The following AGBL1 variants were observed in gnomAD, a reference collection of about 807,000 sequenced individuals.
AGBL1 encodes AGBL carboxypeptidase 1.
In AGBL1, 130 loss-of-function variants were observed where a neutral mutation model predicts 118.9. The observed-to-expected ratio is 1.09, with a 90% CI of 0.95 to 1.26. The LOEUF (loss-of-function observed/expected upper bound fraction) is 1.26, where lower values mean the gene tolerates loss of function less well. AGBL1 is among the 50% of genes most tolerant of loss of function. The pLI is 0.00. For synonymous variants in AGBL1, 555 were observed against 478.9 expected (o/e 1.16, Z -2.08); for missense variants, 1,584 against 1,298.1 (o/e 1.22, Z -3.38).
chr15:86,134,063 T>C (rs1441326280), intron 1 of AGBL1, among the ~76,000 whole-genome samples: 1 of 152,212 alleles, frequency 6.6e-6, no homozygotes, highest in Non-Finnish European at 1.5e-5. Context: ...ATGTTTTCCT[T>C]CAACTTATAC....
intron 23 of AGBL1, among the ~76,000 whole-genome samples, chr15:86,941,300 C>T (rs143346926): frequency 1.2e-4 from 19 of 152,278 alleles, no homozygotes; most frequent in African/African-American, 3.8e-4. Flanking sequence ...CCTGTCAGGA[C>T]GTTGTAATTT....
chr15:86,904,623 ATTTAT>A (rs1235103621), intron 22 of AGBL1, among the ~76,000 whole-genome samples: 3 of 148,336 alleles, frequency 2.0e-5, no homozygotes, highest in Non-Finnish European at 4.5e-5. Context: ...TATCTATTAT[ATTTAT>A]TTTGTTATGT....
chr15:86,916,493 G>A (rs987380583), downstream of AGBL1, among the ~76,000 whole-genome samples: 54 of 152,100 alleles, frequency 3.6e-4, no homozygotes, highest in Non-Finnish European at 6.5e-4. Flanking sequence ...AATAAAAATG[G>A]ATCAGGCACT....
At chr15:86,674,706 C>A (rs961739231) in intron 22 of AGBL1, among the ~76,000 whole-genome samples, 5 of 152,096 alleles carry the variant, frequency 3.3e-5, no homozygotes, top group African/African-American at 1.2e-4. Context: ...TGGTGACACA[C>A]ACACAGGATA....
intron 21 of AGBL1, among the ~76,000 whole-genome samples, chr15:86,644,907 G>C (rs1002914662): frequency 1.0e-4 from 15 of 150,750 alleles, no homozygotes; most frequent in Non-Finnish European, 1.6e-4. Context: ...TGTAGTCCCA[G>C]GTACTCGGGA....
intron 22 of AGBL1, among the ~76,000 whole-genome samples, chr15:86,800,223 A>C (rs2078630944): frequency 6.6e-6 from 1 of 152,120 alleles, no homozygotes; most frequent in South Asian, 2.1e-4. Context: ...TCATATTTAT[A>C]CATATTATTT....
chr15:86,864,092 A>C (rs1242429877), intron 22 of AGBL1, among the ~76,000 whole-genome samples: 2 of 152,192 alleles, frequency 1.3e-5, no homozygotes, highest in African/African-American at 2.4e-5. Flanking sequence ...ACAGCTTTGC[A>C]TAAAAACAGA....
At chr15:86,448,735 T>G (rs1291389369) in intron 18 of AGBL1, among the ~76,000 whole-genome samples, 1 of 152,062 alleles carries the variant, frequency 6.6e-6, no homozygotes, top group Non-Finnish European at 1.5e-5. Context: ...CACAAGAATA[T>G]TTAGTAATTG....
rs558894519 is a variant in AGBL1, at chr15:86,664,560, T to C, written c.2995-9713T>C. Among the ~76,000 whole-genome samples, 11 of 152,256 alleles carry C rather than the reference T, an allele frequency of 7.2e-5. 1 individual carries two copies. Among genetic ancestry groups the C allele is most frequent in the African/African-American group, 2.6e-4 (11 of 41,568 alleles). On this transcript the variant is annotated intron_variant, in intron 21 of 22. Coordinates refer to ENST00000614907, the MANE Select transcript of AGBL1 (RefSeq NM_001386094.1). ...GTTTGGAGGGACAATACTAAGGAAATGGATGTCTCATTGCTATTTCTTCAC... is the reference window on the plus strand; with the variant it reads ...GTTTGGAGGGACAATACTAAGGAAACGGATGTCTCATTGCTATTTCTTCAC...
rs148882354 is a variant in AGBL1, at chr15:86,933,481, C to T, written c.3222-54506C>T. Among the ~76,000 whole-genome samples, 1,089 of 152,284 alleles carry T rather than the reference C, an allele frequency of 7.2e-3. 19 individuals are homozygous for T. The highest frequency in any genetic ancestry group is 0.025 in the African/African-American group (1,054 of 41,556). On this transcript the variant is annotated intron_variant, in intron 23 of 24. Coordinates refer to the AGBL1 transcript ENST00000441037. ...AAGATTTGTGACTTCCCCAATTGCT[C>T]TCATAGATCTCATCTCTATTGTAGA... is the stretch of plus-strand genomic sequence containing the variant.
chr15:86,148,604 C>T (rs1246977179), intron 3 of AGBL1, among the ~76,000 whole-genome samples: 1 of 152,088 alleles, frequency 6.6e-6, no homozygotes, highest in Non-Finnish European at 1.5e-5. Context: ...ATGAACAAAG[C>T]CTCCAAGAAA....
rs146836147 is a variant in AGBL1, at chr15:86,232,477, G to C, written c.526+7526G>C. On this transcript the variant is annotated intron_variant, in intron 6 of 22. Transcript: ENST00000614907. ...TTCCATACTATCTGTGCTTCCCAGC[G>C]TTAGCAGCTTGCGTGTCTTGAAGGA... is the stretch of plus-strand genomic sequence containing the variant. Among the ~76,000 whole-genome samples, 518 of 152,284 alleles carry C rather than the reference G, an allele frequency of 3.4e-3. 5 individuals carry two copies. Among genetic ancestry groups the C allele is most frequent in the African/African-American group, 0.012 (495 of 41,560 alleles).
chr15:86,398,836 A>G (rs979507651), intron 18 of AGBL1, among the ~76,000 whole-genome samples: 2 of 152,164 alleles, frequency 1.3e-5, no homozygotes, highest in South Asian at 4.1e-4. Flanking sequence ...AAATGATGAA[A>G]TATGTTAAAC....
chr15:86,902,052 T>C (rs183214872), intron 22 of AGBL1, among the ~76,000 whole-genome samples: 2 of 152,292 alleles, frequency 1.3e-5, no homozygotes, highest in East Asian at 3.9e-4. Context: ...TTTGGGCTAT[T>C]ACAAATCAAG....
At chr15:86,407,454 G>A (rs997224055) in intron 18 of AGBL1, among the ~76,000 whole-genome samples, 6 of 152,122 alleles carry the variant, frequency 3.9e-5, no homozygotes, top group Non-Finnish European at 7.3e-5. Flanking sequence ...GAAGTGGTAA[G>A]TGCCCAATAT....
At chr15:86,728,731 T>C (rs2086855847) in intron 22 of AGBL1, among the ~76,000 whole-genome samples, 1 of 152,222 alleles carries the variant, frequency 6.6e-6, no homozygotes, top group African/African-American at 2.4e-5. Flanking sequence ...TCACATCTTT[T>C]AAAATTTTGT....
At chr15:86,502,866 C>T in intron 18 of AGBL1, among the ~76,000 whole-genome samples, 1 of 151,258 alleles carries the variant, frequency 6.6e-6, no homozygotes, top group Middle Eastern at 3.4e-3. Flanking sequence ...ATCAGGGACA[C>T]TGTTCTGTAG....
intron 1 of AGBL1, among the ~76,000 whole-genome samples, chr15:86,126,419 G>A (rs1346354133): frequency 6.6e-6 from 1 of 152,188 alleles, no homozygotes; most frequent in Non-Finnish European, 1.5e-5. Flanking sequence ...CAGAATTCTA[G>A]GGTGACATCT....
chr15:86,704,758 T>C (rs1259320362), intron 22 of AGBL1, among the ~76,000 whole-genome samples: 1 of 152,148 alleles, frequency 6.6e-6, no homozygotes, highest in Non-Finnish European at 1.5e-5. Flanking sequence ...GAAATACCAT[T>C]TGACCCAACA....
Sources: allele counts gnomAD v4.1 joint callset (sites outside exome capture counted in the v4.1 genomes callset), GRCh38; gene constraint gnomAD v4.1.1; transcripts MANE v1.5; gene names NCBI Gene and HGNC (gene_info 2026-07-23, HGNC 2026-07-21).